The following VPS35 variants were observed in gnomAD, a reference collection of about 807,000 sequenced individuals.
VPS35 encodes the protein VPS35 retromer complex component.
Under a neutral mutation model 98.1 loss-of-function variants are expected in VPS35, and 21 were observed. The ratio of observed to expected loss-of-function variants is 0.21; its 90% CI spans 0.15 to 0.31. The LOEUF (loss-of-function observed/expected upper bound fraction) is 0.31. Among genes scored for constraint, VPS35 ranks in the 10% least tolerant of loss-of-function variants. The pLI is 1.00. For missense variants in VPS35, 554 were observed against 950.8 expected (o/e 0.58, Z 5.49); for synonymous variants, 268 against 318.2 (o/e 0.84, Z 1.68).
chr16:46,669,061 A>G lies in VPS35; in HGVS notation c.1525-9T>C, dbSNP rs1410832371. On this transcript the variant is annotated splice_polypyrimidine_tract_variant and intron_variant, in intron 12 of 16. Coordinates refer to ENST00000299138, the MANE Select transcript of VPS35 (RefSeq NM_018206.6). ...CGTGCTGTGTTCAAAATCTGACCCA[A>G]AAGCATTAAAGAAAAAAAAATTTCC... 1.2e-6 allele frequency: 2 copies of G among 1,613,938 alleles called. No homozygotes were observed. Among genetic ancestry groups the G allele is most frequent in the Admixed American group, 1.7e-5 (1 of 59,992 alleles).
intron 1 of VPS35, 164 bp downstream of exon 1, chr16:46,688,960 TGCCCGCG>T: frequency 6.6e-7 from 1 of 1,503,812 alleles, no homozygotes; most frequent in Non-Finnish European, 8.9e-7. Flanking sequence ...CGGATCAGCC[TGCCCGCG>T]GCCTTCCTCC....
chr16:46,663,550 T>C (rs1965943753), intron 13 of VPS35, among the ~76,000 whole-genome samples: 1 of 151,846 alleles, frequency 6.6e-6, no homozygotes, highest in Admixed American at 6.6e-5. Context: ...CCCAGCTAAT[T>C]TTGTATTTTT....
chr16:46,678,893 G>C, intron 6 of VPS35, 50 bp downstream of exon 6: 2 of 1,574,810 alleles, frequency 1.3e-6, no homozygotes, highest in Non-Finnish European at 8.7e-7. Context: ...TTAAAAATCA[G>C]ATTTCAGTTT....
rs189401375 is a variant in VPS35, at chr16:46,670,232, C to T, written c.1525-1180G>A. ...CCCTAGGGGCAGTCAGAGCTAATGA[C>T]CCTATCATTAAAGATCTCCATACAT... is the stretch of plus-strand genomic sequence containing the variant. On this transcript the variant is annotated intron_variant, in intron 12 of 16. Coordinates refer to ENST00000299138, the MANE Select transcript of VPS35 (RefSeq NM_018206.6). Among the ~76,000 whole-genome samples, 101 of 152,264 alleles carry T rather than the reference C, an allele frequency of 6.6e-4. 1 individual carries two copies. Among genetic ancestry groups the T allele is most frequent in the Non-Finnish European group, 1.3e-3 (86 of 68,024 alleles).
At chr16:46,673,509 G>C (rs1455003446) in intron 10 of VPS35, 1 of 152,424 alleles carries the variant, frequency 6.6e-6, no homozygotes, top group Non-Finnish European at 1.5e-5. Context: ...CCAAGCCAGA[G>C]CAGTGGGGAA....
At position 46,661,036 on chromosome 16, in the gene VPS35, A is replaced by G. The variant is rs1317547305; in HGVS notation, c.2212-385T>C. ...GTGCCGGGCGCCTATAATACCAGCT[A>G]TTCAGGAGGCTGAGGCATGAGAATT... On this transcript the variant is annotated intron_variant, in intron 16 of 16. Transcript: ENST00000299138. This position sits in a 1 kb window ranked among gnomAD's most constrained non-coding sequence, Gnocchi z 4.3. 2.9e-6 allele frequency: 1 copy of G among 339,638 alleles called. No homozygotes were observed. The highest frequency in any genetic ancestry group is 2.1e-5 in the African/African-American group (1 of 46,548). 21.0% of individuals were successfully genotyped at this position (339,638 alleles called of 1,614,324 possible). A position where few individuals can be genotyped will look rare whatever the true frequency, so the allele number is the denominator to read the frequency against.
rs1966194476 is a variant in VPS35, at chr16:46,679,154, T to C, written c.509A>G (p.Glu170Gly). The C allele has an allele frequency of 6.2e-7, 1 of 1,605,082 alleles. No individual in the cohort carries two copies. Among genetic ancestry groups the C allele is most frequent in the Non-Finnish European group, 8.5e-7 (1 of 1,174,738 alleles). ...ILPDEGEPTD[E>G]ETTGDISDSM... is the part of the protein sequence containing the mutation. The stretch of plus-strand genomic sequence containing the variant: ...ATCACTGATGTCACCAGTTGTTTCT[T>C]CACTGCAAAGAAACAGAAAAGTCTT... The change falls in exon 6 of 17, where the codon GAA becomes GGA. Residue 170 changes from glutamate (E) to glycine (G), a missense_variant and splice_region_variant. Physicochemically the swap from Glu to Gly is moderately conservative, Grantham distance 98 (BLOSUM62 -2). Transcript: ENST00000299138.
rs191349966 is a variant in VPS35, at chr16:46,672,559, T to C, written c.1161-87A>G. The C allele has an allele frequency of 7.7e-5, 92 of 1,199,642 alleles. No homozygotes were observed. In the Admixed American group the frequency reaches 1.7e-3, roughly 23 times the overall value. The allele number at this position is 1,199,642 out of a possible 1,614,324, so 74.3% of individuals were successfully genotyped here. ...ATTTGTTCCATAAGAATTTGAAATT[T>C]TTCATTACACATTAAAGGAAATGGG... On this transcript the variant is annotated intron_variant, in intron 10 of 16. Transcript: ENST00000299138.
rs1293510931 is a variant in VPS35 at position 46,681,684 on chromosome 16, T to C, written c.200-184A>G. ...ACTTTAAAATAAGGGTTTTAAAGCA[T>C]GTGTGGTCAAGCAAAGCAGTAAATA... On this transcript the variant is annotated intron_variant, in intron 3 of 16. Transcript: ENST00000299138. 10 of 682,312 alleles carry C rather than the reference T, an allele frequency of 1.5e-5. 1 individual carries two copies. Among genetic ancestry groups the C allele is most frequent in the South Asian group, 7.3e-5 (4 of 54,818 alleles). 42.3% of individuals were successfully genotyped at this position (682,312 alleles called of 1,614,324 possible).
intron 11 of VPS35, 92 bp from the exon 12 acceptor site, chr16:46,671,952 T>C (rs1966076458): frequency 9.8e-6 from 15 of 1,528,780 alleles, no homozygotes; most frequent in Admixed American, 3.7e-5. Context: ...AAAATTACAA[T>C]ACAGTATCAA....
chr16:46,684,084 CAG>C (rs1171367048), intron 1 of VPS35, among the ~76,000 whole-genome samples: 1 of 152,166 alleles, frequency 6.6e-6, no homozygotes, highest in African/African-American at 2.4e-5. Flanking sequence ...CTGAAGTTAA[CAG>C]AATAAGACTG....
At position 46,656,613 on chromosome 16, in the gene VPS35, TTCTATTTC is replaced by T. The variant is rs1271024740; in HGVS notation, c.*3851_*3858del. ...GAAGCGTCCAAAGGTTTCCTTGTGTTTCTATTTCTCTAAGTGAAAATGGATTTAAGTCA... is the reference window on the plus strand; with the variant it reads ...GAAGCGTCCAAAGGTTTCCTTGTGTTTCTAAGTGAAAATGGATTTAAGTCA... On this transcript the variant is annotated 3_prime_UTR_variant, in exon 17 of 17. Transcript: ENST00000299138. 1 of 152,254 alleles carries T rather than the reference TTCTATTTC, an allele frequency of 6.6e-6. No individual in the cohort carries two copies. Among genetic ancestry groups the T allele is most frequent in the Admixed American group, 6.5e-5 (1 of 15,292 alleles). 9.4% of individuals were successfully genotyped at this position (152,254 alleles called of 1,614,324 possible).
intron 1 of VPS35, among the ~76,000 whole-genome samples, chr16:46,687,355 C>T (rs1272973519): frequency 6.6e-6 from 1 of 152,214 alleles, no homozygotes; most frequent in Non-Finnish European, 1.5e-5. Context: ...GAACACCAAA[C>T]GGCTCTAACT....
intron 2 of VPS35, chr16:46,682,869 C>T (rs1679757528): frequency 6.5e-6 from 1 of 154,362 alleles, no homozygotes; most frequent in South Asian, 2.0e-4. Flanking sequence ...ATCTTCATCA[C>T]AGTAATTTAT....
At chr16:46,677,675 A>G (rs1253176933) in intron 6 of VPS35, 3 of 418,134 alleles carry the variant, frequency 7.2e-6, no homozygotes, top group African/African-American at 6.1e-5. Context: ...TGCTGGGACT[A>G]CAGGTACGTT....
At position 46,657,906 on chromosome 16, in the gene VPS35, A is replaced by G. The variant is rs1965856868; in HGVS notation, c.*2566T>C. On this transcript the variant is annotated 3_prime_UTR_variant, in exon 17 of 17. Transcript: ENST00000299138. ...TCCATCCACCTGTGAGGGATTCCCC[A>G]CCACACCCCAATTAAGGACAGGTAC... 1 of 152,174 alleles carries G rather than the reference A, an allele frequency of 6.6e-6. No individual in the cohort carries two copies. The allele number at this position is 152,174 out of a possible 1,614,324, so 9.4% of individuals were successfully genotyped here. A position where few individuals can be genotyped will look rare whatever the true frequency, so the allele number is the denominator to read the frequency against.
chr16:46,677,497 TTTG>T, intron 6 of VPS35, 99 bp from the exon 7 acceptor site: 1 of 1,009,240 alleles, frequency 9.9e-7, no homozygotes, highest in Non-Finnish European at 1.5e-6. Flanking sequence ...GAAAATCGTA[TTTG>T]AGATTTTTCT....
rs1359045191 is a variant in VPS35, at chr16:46,658,052, AT to A, written c.*2419del. On this transcript the variant is annotated 3_prime_UTR_variant, in exon 17 of 17. Coordinates refer to ENST00000299138, the MANE Select transcript of VPS35 (RefSeq NM_018206.6). ...CATAAAATTACTCTGTCAAATTGCT[AT>A]AAAGGGTTTTAAATGCTAAGTCAAT... The A allele has an allele frequency of 6.6e-6, 1 of 152,250 alleles. No individual in the cohort carries two copies. Among genetic ancestry groups the A allele is most frequent in the African/African-American group, 2.4e-5 (1 of 41,472 alleles). 9.4% of individuals were successfully genotyped at this position (152,250 alleles called of 1,614,324 possible). A position where few individuals can be genotyped will look rare whatever the true frequency, so the allele number is the denominator to read the frequency against.
rs1271361478 is a variant in VPS35, at chr16:46,688,728, C to G, written c.3+403G>C. 7 of 1,185,208 alleles carry G rather than the reference C, an allele frequency of 5.9e-6. No individual in the cohort carries two copies. In the South Asian group the frequency reaches 1.6e-4, roughly 27 times the overall value. 73.4% of individuals were successfully genotyped at this position (1,185,208 alleles called of 1,614,324 possible). On this transcript the variant is annotated intron_variant, in intron 1 of 16. Transcript: ENST00000299138. ...GTAGAAACGCAACATCTGGGCGGGTCCCGGCGCCACCTCCGAGTCTCAGGG... is the reference window on the plus strand; with the variant it reads ...GTAGAAACGCAACATCTGGGCGGGTGCCGGCGCCACCTCCGAGTCTCAGGG...
Sources: allele counts gnomAD v4.1 joint callset (sites outside exome capture counted in the v4.1 genomes callset), GRCh38; gene constraint gnomAD v4.1.1; non-coding constraint Gnocchi (gnomAD v3.1); transcripts MANE v1.5; gene names NCBI Gene and HGNC (gene_info 2026-07-23, HGNC 2026-07-21).